Variants in TMPRSS6 observed in about 807,000 individuals in gnomAD.
TMPRSS6 encodes transmembrane protease serine 6.
TMPRSS6 carries 67 observed loss-of-function variants against 101.5 expected under a neutral mutation model. The ratio of observed to expected loss-of-function variants is 0.66; its 90% CI spans 0.54 to 0.81. The LOEUF is 0.81. TMPRSS6 is among the 30% of genes least tolerant of loss of function. The probability of loss-of-function intolerance (pLI) is 0.00; values close to 1 mark genes in which losing one functional copy is unlikely to be tolerated. For synonymous variants in TMPRSS6, 453 were observed against 464.9 expected (o/e 0.97, Z 0.33); for missense variants, 1,034 against 1,088.7 (o/e 0.95, Z 0.71).
Position 37,073,081 on chromosome 22 carries a change from GGATA to G in TMPRSS6, c.1555+447_1555+450del, listed in dbSNP as rs770086175. 5.9e-4 allele frequency among the ~76,000 whole-genome samples: 85 copies of G among 145,090 alleles called. 1 individual carries two copies. Among genetic ancestry groups the G allele is most frequent in the Non-Finnish European group, 1.2e-3 (76 of 66,034 alleles). On this transcript the variant is annotated intron_variant, in intron 13 of 17. Transcript: ENST00000676104. ...ATGGATGATGGATGGATGGATGGAT[GGATA>G]GACGGATGATGGATGGATGGATGAT...
At chr22:37,084,220 G>A in intron 10 of TMPRSS6, 75 bp downstream of exon 10, 5 of 1,286,930 alleles carry the variant, frequency 3.9e-6, no homozygotes, top group Non-Finnish European at 5.5e-6. Context: ...TTCCAATGAG[G>A]GGGTCACTAT....
rs115270691 is a variant in TMPRSS6 at position 37,103,525 on chromosome 22, G to A, written c.-1-107C>T. On this transcript the variant is annotated intron_variant, in intron 1 of 17. Coordinates refer to ENST00000676104, the MANE Select transcript of TMPRSS6 (RefSeq NM_001374504.1). This position sits in a 1 kb window ranked among gnomAD's most constrained non-coding sequence, Gnocchi z 4.4. ...CAGGACTTCCCTGCCTTTTGGAGTG[G>A]AAGAGTAACAACATCAGGCGGCAGT... is the stretch of plus-strand genomic sequence containing the variant. 42,715 of 1,614,108 alleles carry A rather than the reference G, an allele frequency of 0.026. 634 individuals carry two copies. Among genetic ancestry groups the A allele is most frequent in the Middle Eastern group, 0.068 (415 of 6,062 alleles).
intron 16 of TMPRSS6, among the ~76,000 whole-genome samples, chr22:37,067,650 ACT>A (rs1926432561): frequency 6.6e-6 from 1 of 151,482 alleles, no homozygotes; most frequent in African/African-American, 2.4e-5. Flanking sequence ...TTTCCTTAGA[ACT>A]CTGCAGTGCC....
chr22:37,072,192 G>A (rs1927011882), intron 13 of TMPRSS6, among the ~76,000 whole-genome samples: 1 of 147,858 alleles, frequency 6.8e-6, no homozygotes, highest in South Asian at 2.2e-4. Context: ...ATGGATGGAT[G>A]ATGGATGAAT....
chr22:37,082,891 G>A, intron 10 of TMPRSS6: 1 of 451,296 alleles, frequency 2.2e-6, no homozygotes, highest in Non-Finnish European at 4.5e-6. Context: ...CAGATAAATT[G>A]CAAAAAGGAG....
intron 1 of TMPRSS6, among the ~76,000 whole-genome samples, chr22:37,105,446 T>C (rs1930655678): frequency 6.6e-6 from 1 of 152,208 alleles, no homozygotes; most frequent in African/African-American, 2.4e-5. Flanking sequence ...AACAGACCAG[T>C]AACAGGGTGC....
intron 10 of TMPRSS6, among the ~76,000 whole-genome samples, chr22:37,076,004 AAAG>A (rs1193392051): frequency 6.7e-6 from 1 of 148,914 alleles, no homozygotes; most frequent in Non-Finnish European, 1.5e-5. Flanking sequence ...AGAAAGGAAG[AAAG>A]AAAGAAAGAA....
rs775643860 is a variant in TMPRSS6, at chr22:37,103,384, C to T, written c.34G>A (p.Gly12Arg). 9.3e-6 allele frequency: 15 copies of T among 1,614,096 alleles called. No homozygotes were observed. Among genetic ancestry groups the T allele is most frequent in the East Asian group, 4.5e-5 (2 of 44,894 alleles). Residue 12 changes from glycine to arginine, a missense_variant, in exon 2 of 18, where the codon GGG becomes AGG. By Grantham distance (125) the Gly-to-Arg change is moderately radical. Transcript: ENST00000676104. This position sits in a 1 kb window ranked among gnomAD's most constrained non-coding sequence, Gnocchi z 4.4. ...TCGCCATCACCTCCGTCCCCCTGCCCGCCAGCCACCTGGGGGGCCTCGGCC... is the reference window on the plus strand; with the variant it reads ...TCGCCATCACCTCCGTCCCCCTGCCTGCCAGCCACCTGGGGGGCCTCGGCC... ...PVAEAPQVAG[G>R]QGDGGDGEEA...
Position 37,096,045 on chromosome 22 carries a change from G to A in TMPRSS6, c.450C>T (p.Pro150=), listed in dbSNP as rs200213417. 169 of 1,614,170 alleles carry A rather than the reference G, an allele frequency of 1.0e-4. No homozygotes were observed. Among genetic ancestry groups the A allele is most frequent in the Middle Eastern group, 8.2e-4 (5 of 6,062 alleles). ...TCFFWFILQI[P]EHRRLMLSPE... ...GGCTCAGCATCAGCCGGCGGTGCTCGGGGATTTGGAGAATGAACCAGAAGA... is the reference window on the plus strand; with the variant it reads ...GGCTCAGCATCAGCCGGCGGTGCTCAGGGATTTGGAGAATGAACCAGAAGA... The change falls in exon 5 of 18, where the codon CCC becomes CCT. Residue 150 remains proline, a synonymous_variant. Transcript: ENST00000676104.
intron 6 of TMPRSS6, 26 bp downstream of exon 6, chr22:37,095,525 G>A (rs1217206588): frequency 6.2e-7 from 1 of 1,611,708 alleles, no homozygotes; most frequent in East Asian, 2.2e-5. Context: ...AAAGGAAAAT[G>A]GGGAGGGGAA....
At chr22:37,108,243 A>C (rs1601583617) in intron 1 of TMPRSS6, among the ~76,000 whole-genome samples, 1 of 151,084 alleles carries the variant, frequency 6.6e-6, no homozygotes, top group East Asian at 1.9e-4. Context: ...GCGTCCCCAC[A>C]CTCTTCCTTC....
chr22:37,070,481 C>A lies in TMPRSS6; in HGVS notation c.1841+3G>T. 6.2e-7 allele frequency: 1 copy of A among 1,613,468 alleles called. No homozygotes were observed. The highest frequency in any genetic ancestry group is 2.2e-5 in the East Asian group (1 of 44,882). On this transcript the variant is annotated splice_donor_region_variant and intron_variant, in intron 15 of 17. Coordinates refer to ENST00000676104, the MANE Select transcript of TMPRSS6 (RefSeq NM_001374504.1). The stretch of plus-strand genomic sequence containing the variant: ...GCCTAGGCCCCCACACCCTCCCGCT[C>A]ACCTGTCCTCCTGGAAGCAGTGGGC...
rs866133737 is a variant in TMPRSS6 at position 37,086,745 on chromosome 22, T to C, written c.837-326A>G. 1.6e-4 allele frequency among the ~76,000 whole-genome samples: 25 copies of C among 152,198 alleles called. No homozygotes were observed. The Middle Eastern group carries it at 0.017, about 104-fold the overall frequency. ...CCCTCCCCAGACCCCTCCACCCTGC[T>C]ACAGAATCATCTGTGACCCCTAGCG... On this transcript the variant is annotated intron_variant, in intron 7 of 17. Coordinates refer to ENST00000676104, the MANE Select transcript of TMPRSS6 (RefSeq NM_001374504.1).
intron 3 of TMPRSS6, among the ~76,000 whole-genome samples, chr22:37,097,246 A>G (rs950728219): frequency 6.6e-6 from 1 of 152,230 alleles, no homozygotes; most frequent in Non-Finnish European, 1.5e-5. Flanking sequence ...GGAAACGGGC[A>G]GCCTCAGGCT....
At chr22:37,097,778 CAGGAGT>C (rs1929917722) in intron 3 of TMPRSS6, among the ~76,000 whole-genome samples, 2 of 56,620 alleles carry the variant, frequency 3.5e-5, no homozygotes, top group Admixed American at 1.6e-4. Flanking sequence ...AACGGAGGGG[CAGGAGT>C]GGGCCACCGT....
chr22:37,100,057 T>C (rs1263160246), intron 2 of TMPRSS6, among the ~76,000 whole-genome samples: 1 of 152,220 alleles, frequency 6.6e-6, no homozygotes, highest in African/African-American at 2.4e-5. Context: ...AACCTCTGCC[T>C]CCCGGGTTCA....
Position 37,086,380 on chromosome 22 carries a change from A to C in TMPRSS6, c.876T>G (p.Val292=), listed in dbSNP as rs1390135646. The C allele has an allele frequency of 6.2e-7, 1 of 1,609,102 alleles. No homozygotes were observed. The highest frequency in any genetic ancestry group is 8.5e-7 in the Non-Finnish European group (1 of 1,177,778). Residue 292 remains valine (V), a synonymous_variant, in exon 8 of 18, where the codon GTT becomes GTG. Coordinates refer to ENST00000676104, the MANE Select transcript of TMPRSS6 (RefSeq NM_001374504.1). ...CCGCCATGATGGCCCCCGACGCCAG[A>C]ACCTCCACCACGGGCTCCTGGCGGC... ...GCSRQEPVVE[V]LASGAIMAVV...
In TMPRSS6 at chr22:37,084,733, G is replaced by A. The variant is rs1429300635; in HGVS notation, c.1080C>T (p.His360=). Residue 360 remains histidine (H), a synonymous_variant, in exon 9 of 18, where the codon CAC becomes CAT. Transcript: ENST00000676104. ...AGGCAGGGTGGGGTCTCACCGTGAG[G>A]TGCCAGGAGCAGTGGGTTTGGGGCG... ...YYSPQTHCSW[H]LTVPSLDYGL... is the part of the protein sequence containing the mutation. 1 of 1,561,700 alleles carries A rather than the reference G, an allele frequency of 6.4e-7. No individual in the cohort carries two copies.
At chr22:37,102,591 CA>C (rs1930417887) in intron 2 of TMPRSS6, among the ~76,000 whole-genome samples, 1 of 152,156 alleles carries the variant, frequency 6.6e-6, no homozygotes, top group South Asian at 2.1e-4. Context: ...CCCCGGGCAC[CA>C]GGGGACTGAC....
Sources: gnomAD v4.1 joint callset for allele counts (sites outside exome capture counted in the v4.1 genomes callset) on GRCh38, gnomAD v4.1.1 for gene constraint, Gnocchi (gnomAD v3.1) non-coding constraint, MANE v1.5 for transcripts, NCBI Gene and HGNC (gene_info 2026-07-23, HGNC 2026-07-21) for gene names.